The following ZNF415 variants were observed in gnomAD, a reference collection of about 807,000 sequenced individuals.
ZNF415 encodes the protein zinc finger protein 415.
Under a neutral mutation model 7.3 loss-of-function variants are expected in ZNF415, and 5 were observed. The observed-to-expected ratio is 0.69, with a 90% confidence interval of 0.36 to 1.44. The LOEUF is 1.44. Ranked by LOEUF, ZNF415 falls within the 40% of genes most tolerant of loss-of-function variation. ZNF415 has a pLI of 0.04. For missense variants in ZNF415, 628 were observed against 664.8 expected (o/e 0.94, Z 0.61); for synonymous variants, 207 against 226.3 (o/e 0.91, Z 0.77).
Position 53,108,813 on chromosome 19 carries a change from G to T in ZNF415, c.1232C>A (p.Pro411His). 6.2e-7 allele frequency: 1 copy of T among 1,614,036 alleles called. No homozygotes were observed. Among genetic ancestry groups the T allele is most frequent in the Non-Finnish European group, 8.5e-7 (1 of 1,179,970 alleles). ...RHWRIHTGEK[P>H]YKCNECGKVF... ...CTTACCACATTCATTGCATTTGTAA[G>T]GTTTCTCTCCAGTATGAATTCTCCA... Residue 411 changes from proline (P) to histidine (H), a missense_variant, in exon 4 of 4, where the codon CCT (proline) becomes CAT (histidine). Coordinates refer to ENST00000243643, the MANE Select transcript of ZNF415 (RefSeq NM_018355.4).
Position 53,122,164 on chromosome 19 carries a change from TG to T in ZNF415, c.15+497del, listed in dbSNP as rs751866663. Among the ~76,000 whole-genome samples, 3 of 152,104 alleles carry T rather than the reference TG, an allele frequency of 2.0e-5. No homozygotes were observed. The South Asian group carries it at 6.2e-4, about 32-fold the overall frequency. On this transcript the variant is annotated intron_variant, in intron 2 of 3. Transcript: ENST00000243643. The stretch of plus-strand genomic sequence containing the variant: ...GGGACGCTGAGGCAGGAGAATCACT[TG>T]AACCCGGGAGGCAGAGGATTCAGTG...
rs911970478 is a variant in ZNF415 at position 53,109,358 on chromosome 19, T to C, written c.687A>G (p.Ser229=). The C allele has an allele frequency of 3.7e-6, 6 of 1,614,062 alleles. No individual in the cohort carries two copies. Among genetic ancestry groups the C allele is most frequent in the Admixed American group, 1.7e-5 (1 of 59,998 alleles). The part of the protein sequence containing the change: ...IECDKALNHG[S]HMTVRQVSHS... ...GACTTACCTGACGTACAGTCATGTG[T>C]GAGCCATGATTCAAGGCTTTGTCGC... Residue 229 remains serine (S), a synonymous_variant, in exon 4 of 4, where the codon TCA becomes TCG. Coordinates refer to ENST00000243643, the MANE Select transcript of ZNF415 (RefSeq NM_018355.4).
intron 1 of ZNF415, chr19:53,129,464 G>A (rs2089756035): frequency 2.5e-6 from 1 of 401,180 alleles, no homozygotes; most frequent in Non-Finnish European, 4.4e-6. Flanking sequence ...CATTTTTAGA[G>A]GAAGAAATCC....
chr19:53,115,617 G>A (rs2086898032), intron 3 of ZNF415: 1 of 1,025,740 alleles, frequency 9.7e-7, no homozygotes, highest in East Asian at 2.6e-5. Context: ...ATAAACATTT[G>A]TTTTCCTACA....
intron 1 of ZNF415, among the ~76,000 whole-genome samples, chr19:53,131,563 C>T (rs911131535): frequency 1.3e-5 from 2 of 152,122 alleles, no homozygotes; most frequent in African/African-American, 2.4e-5. Context: ...TCCCTCGTTC[C>T]GTACATCGCT....
chr19:53,118,736 A>G (rs1431074622), intron 2 of ZNF415, among the ~76,000 whole-genome samples: 1 of 152,168 alleles, frequency 6.6e-6, no homozygotes, highest in Non-Finnish European at 1.5e-5. Flanking sequence ...TAAAAAAAAA[A>G]AATCTTGAAA....
chr19:53,115,661 A>G, intron 3 of ZNF415: 1 of 1,409,602 alleles, frequency 7.1e-7, no homozygotes, highest in Admixed American at 2.0e-5. Flanking sequence ...TTCCAAACAT[A>G]GTGTAATGGT....
rs777828623 is a variant in ZNF415, at chr19:53,109,305, T to C, written c.740A>G (p.Asp247Gly). ...SHSGEKGYKC[D>G]LCGKVFSQKS... ...TTGACTAAAGACCTTGCCACACAGATCACATTTATATCCTTTCTCTCCAGA... is the reference window on the plus strand; with the variant it reads ...TTGACTAAAGACCTTGCCACACAGACCACATTTATATCCTTTCTCTCCAGA... The change falls in exon 4 of 4, where the codon GAT becomes GGT. Residue 247 changes from aspartate (D) to glycine (G), a missense_variant. By Grantham distance (94) the Asp-to-Gly change is moderately conservative. Transcript: ENST00000243643. 6.2e-7 allele frequency: 1 copy of C among 1,614,190 alleles called. No homozygotes were observed. The highest frequency in any genetic ancestry group is 2.2e-5 in the East Asian group (1 of 44,888).
rs1366696936 is a variant in ZNF415 at position 53,115,653 on chromosome 19, CCAAA to C, written c.136+656_136+659del. 5 of 1,388,186 alleles carry C rather than the reference CCAAA, an allele frequency of 3.6e-6. No individual in the cohort carries two copies. In the African/African-American group the frequency reaches 7.2e-5, roughly 20 times the overall value. 86.0% of individuals were successfully genotyped at this position (1,388,186 alleles called of 1,614,324 possible). A position where few individuals can be genotyped will look rare whatever the true frequency, so the allele number is the denominator to read the frequency against. Reference sequence around the variant, plus strand: ...GAACTCTCCCACTTGCTAAGAGTTTCCAAACATAGTGTAATGGTGTGGCTTCCTC... The same window carrying C: ...GAACTCTCCCACTTGCTAAGAGTTTCCATAGTGTAATGGTGTGGCTTCCTC... On this transcript the variant is annotated intron_variant, in intron 3 of 3. Transcript: ENST00000243643.
intron 2 of ZNF415, among the ~76,000 whole-genome samples, chr19:53,120,431 A>T (rs2087809755): frequency 6.6e-6 from 1 of 152,192 alleles, no homozygotes; most frequent in Non-Finnish European, 1.5e-5. Context: ...GATTAAACAC[A>T]TTTCAACAGG....
intron 1 of ZNF415, chr19:53,123,840 G>C (rs12972410): frequency 0.58 from 194,684 of 337,410 alleles, 58,101 homozygotes; most frequent in East Asian, 0.67. Flanking sequence ...ACATGGTCCC[G>C]CTCATCTGAG....
intron 3 of ZNF415, among the ~76,000 whole-genome samples, chr19:53,113,699 A>G (rs1222932862): frequency 2.0e-5 from 3 of 152,196 alleles, no homozygotes; most frequent in African/African-American, 4.8e-5. Context: ...TGGTGCACAC[A>G]GGATGGAAAA....
intron 2 of ZNF415, among the ~76,000 whole-genome samples, 182 bp from the exon 3 acceptor site, chr19:53,116,615 T>C (rs1318722461): frequency 4.2e-4 from 17 of 40,382 alleles, no homozygotes; most frequent in South Asian, 3.7e-3. Flanking sequence ...TTTTCTCTCT[T>C]TTTTTTTTTT....
chr19:53,111,281 G>A (rs1287907374), intron 3 of ZNF415, among the ~76,000 whole-genome samples: 1 of 150,622 alleles, frequency 6.6e-6, no homozygotes, highest in East Asian at 2.0e-4. Flanking sequence ...TGACTTCCCA[G>A]CTTCCAGGTC....
intron 3 of ZNF415, chr19:53,115,806 A>G (rs1431978999): frequency 7.7e-6 from 12 of 1,549,752 alleles, no homozygotes; most frequent in Non-Finnish European, 1.0e-5. Flanking sequence ...CACATAGGAT[A>G]ATACTCTGGT....
intron 1 of ZNF415, chr19:53,132,617 A>G (rs2090238697): frequency 6.6e-6 from 1 of 150,458 alleles, no homozygotes; most frequent in Non-Finnish European, 1.5e-5. Context: ...AAGCCCGGGG[A>G]TGGGGGAGGG....
rs918888187 is a variant in ZNF415 at position 53,108,214 on chromosome 19, T to A, written c.*163A>T. 2.9e-5 allele frequency: 20 copies of A among 688,084 alleles called. No individual in the cohort carries two copies. Among genetic ancestry groups the A allele is most frequent in the Non-Finnish European group, 4.7e-5 (20 of 423,586 alleles). The allele number at this position is 688,084 out of a possible 1,614,324, so 42.6% of individuals were successfully genotyped here. On this transcript the variant is annotated 3_prime_UTR_variant, in exon 4 of 4. Coordinates refer to ENST00000243643, the MANE Select transcript of ZNF415 (RefSeq NM_018355.4). Reference sequence around the variant, plus strand: ...CTTGAACTTGTGATGAAGGGTTTGCTGTACTCGTAAGGATTCTCTCAAGAA... The same window carrying A: ...CTTGAACTTGTGATGAAGGGTTTGCAGTACTCGTAAGGATTCTCTCAAGAA...
At chr19:53,112,988 A>G (rs1276966921) in intron 3 of ZNF415, among the ~76,000 whole-genome samples, 1 of 151,986 alleles carries the variant, frequency 6.6e-6, no homozygotes, top group African/African-American at 2.4e-5. Context: ...CAGGAGGCTG[A>G]GGCAGGAGCA....
intron 1 of ZNF415, among the ~76,000 whole-genome samples, chr19:53,125,715 A>G (rs141155032): frequency 0.036 from 5,455 of 152,006 alleles, 194 homozygotes; most frequent in South Asian, 0.091. Flanking sequence ...GAGCCCAAGC[A>G]GATCACGAGG....
Sources: allele counts gnomAD v4.1 joint callset (sites outside exome capture counted in the v4.1 genomes callset), GRCh38; gene constraint gnomAD v4.1.1; transcripts MANE v1.5; gene names NCBI Gene and HGNC (gene_info 2026-07-23, HGNC 2026-07-21).